WDR7: variants seen among roughly 807,000 people sequenced by gnomAD.
WDR7 encodes WD repeat domain 7, also known as WD repeat-containing protein 7.
WDR7 carries 46 observed loss-of-function variants against 169.4 expected under a neutral mutation model. That is an observed-to-expected ratio of 0.27 (90% CI 0.21 to 0.35). The LOEUF (loss-of-function observed/expected upper bound fraction) is 0.35, where lower values mean the gene tolerates loss of function less well. Among genes scored for constraint, WDR7 ranks in the 10% least tolerant of loss-of-function variants. The pLI is 1.00. For synonymous variants in WDR7, 612 were observed against 666.8 expected (o/e 0.92, Z 1.27); for missense variants, 1,534 against 1,859.3 (o/e 0.83, Z 3.22).
At chr18:57,003,458 C>T (rs2048011065) in intron 26 of WDR7, among the ~76,000 whole-genome samples, 2 of 151,980 alleles carry the variant, frequency 1.3e-5, no homozygotes, top group African/African-American at 2.4e-5. Flanking sequence ...AAAGCACTCT[C>T]TAATTACTCA....
chr18:56,782,868 G>A (rs1015561741), intron 19 of WDR7, among the ~76,000 whole-genome samples: 4 of 152,114 alleles, frequency 2.6e-5, no homozygotes, highest in East Asian at 1.9e-4. Context: ...CAGTTTTATC[G>A]CAGATGAAAT....
chr18:56,696,503 G>A, intron 12 of WDR7, 41 bp downstream of exon 12: 1 of 1,504,298 alleles, frequency 6.6e-7, no homozygotes. Flanking sequence ...CTATGGTAGA[G>A]CCAAGTTATA....
downstream of WDR7, chr18:57,031,319 T>C (rs770417364): frequency 3.3e-5 from 5 of 152,226 alleles, no homozygotes; most frequent in Non-Finnish European, 7.3e-5. Context: ...TTCTAATTAA[T>C]GTCTCTCTGA....
At chr18:56,654,429 C>T (rs1204188387) in intron 1 of WDR7, among the ~76,000 whole-genome samples, 9 of 152,150 alleles carry the variant, frequency 5.9e-5, no homozygotes, top group African/African-American at 1.9e-4. Flanking sequence ...CGTGCCCTGC[C>T]GAATCTGAGT....
chr18:56,973,652 G>A (rs975573253), intron 26 of WDR7, among the ~76,000 whole-genome samples: 4 of 152,114 alleles, frequency 2.6e-5, no homozygotes, highest in African/African-American at 9.7e-5. Flanking sequence ...CATCTTGATA[G>A]TTATTTGCCA....
intron 4 of WDR7, among the ~76,000 whole-genome samples, chr18:56,682,206 A>G (rs1022343763): frequency 9.9e-5 from 15 of 152,090 alleles, no homozygotes; most frequent in African/African-American, 3.6e-4. Context: ...TTGAACATCA[A>G]TCATCCTTCT....
intron 26 of WDR7, among the ~76,000 whole-genome samples, chr18:56,968,668 G>A (rs2047444247): frequency 6.6e-6 from 1 of 152,094 alleles, no homozygotes; most frequent in Admixed American, 6.6e-5. Context: ...GTAAATTCTG[G>A]AACGTTAACA....
chr18:57,009,942 C>T, intron 26 of WDR7: 1 of 985,402 alleles, frequency 1.0e-6, no homozygotes, highest in Non-Finnish European at 1.2e-6. Flanking sequence ...TAACCCAAAT[C>T]AAAACCCACG....
chr18:56,719,075 A>G (rs2026257494), intron 13 of WDR7, among the ~76,000 whole-genome samples: 1 of 152,246 alleles, frequency 6.6e-6, no homozygotes, highest in Non-Finnish European at 1.5e-5. Context: ...GAAGTCTGTC[A>G]AACTTCCTTG....
chr18:56,903,015 C>A (rs1004481348), intron 21 of WDR7, among the ~76,000 whole-genome samples: 21 of 152,168 alleles, frequency 1.4e-4, no homozygotes, highest in African/African-American at 5.1e-4. Flanking sequence ...TATTTCAGAA[C>A]CTTTCTGAAA....
chr18:56,730,126 G>T (rs2026549970), intron 13 of WDR7, among the ~76,000 whole-genome samples: 4 of 152,120 alleles, frequency 2.6e-5, no homozygotes, highest in Admixed American at 2.6e-4. Flanking sequence ...CCTCCAATGT[G>T]CTGGGCACTG....
At chr18:56,727,711 C>G (rs1465609083) in intron 13 of WDR7, among the ~76,000 whole-genome samples, 1 of 152,080 alleles carries the variant, frequency 6.6e-6, no homozygotes, top group African/African-American at 2.4e-5. Flanking sequence ...TGACTCAGGG[C>G]GAAACCATAT....
intron 20 of WDR7, among the ~76,000 whole-genome samples, chr18:56,817,972 T>G (rs2045011497): frequency 6.6e-6 from 1 of 152,182 alleles, no homozygotes; most frequent in African/African-American, 2.4e-5. Flanking sequence ...CTCAAATTCC[T>G]GACCTTGTGA....
chr18:57,024,103 C>CT (rs2048325404), intron 27 of WDR7, among the ~76,000 whole-genome samples: 1 of 152,144 alleles, frequency 6.6e-6, no homozygotes, highest in Non-Finnish European at 1.5e-5. Context: ...TTAACAGTGA[C>CT]TGTCTTTGGG....
At chr18:57,002,886 A>G (rs2048003957) in intron 26 of WDR7, among the ~76,000 whole-genome samples, 1 of 152,202 alleles carries the variant, frequency 6.6e-6, no homozygotes, top group Non-Finnish European at 1.5e-5. Context: ...ATGTATTTTT[A>G]TACACTGCTG....
chr18:56,941,378 TGTG>T (rs376022594), intron 25 of WDR7, among the ~76,000 whole-genome samples: 164 of 152,120 alleles, frequency 1.1e-3, no homozygotes, highest in African/African-American at 3.8e-3. Context: ...CTGAGGGAGT[TGTG>T]GTGATGGAAA....
At chr18:56,905,544 G>A (rs546158336) in intron 21 of WDR7, among the ~76,000 whole-genome samples, 6 of 152,154 alleles carry the variant, frequency 3.9e-5, no homozygotes, top group Admixed American at 1.3e-4. Flanking sequence ...AATGTACCCT[G>A]AGAACTTACA....
chr18:56,710,269 C>A (rs1231682925), intron 12 of WDR7, among the ~76,000 whole-genome samples: 1 of 152,078 alleles, frequency 6.6e-6, no homozygotes, highest in East Asian at 1.9e-4. Flanking sequence ...TCCCAAAGTG[C>A]TGGGATTACA....
chr18:56,679,880 A>G (rs532817396), intron 3 of WDR7, among the ~76,000 whole-genome samples: 2 of 152,356 alleles, frequency 1.3e-5, no homozygotes, highest in South Asian at 2.1e-4. Context: ...TTGTGTTCCC[A>G]AGTCTCAGAA....
Sources: gnomAD v4.1 joint callset for allele counts (sites outside exome capture counted in the v4.1 genomes callset) on GRCh38, gnomAD v4.1.1 for gene constraint, MANE v1.5 for transcripts, NCBI Gene and HGNC (gene_info 2026-07-23, HGNC 2026-07-21) for gene names.